PZP: variants seen among roughly 807,000 people sequenced by gnomAD.
The protein encoded by PZP is pregnancy zone protein.
A neutral mutation model predicts 179.8 loss-of-function variants in PZP; 150 were observed. That is an observed-to-expected ratio of 0.83 (90% CI 0.73 to 0.96). The LOEUF is 0.96. Ranked by LOEUF, PZP falls within the 40% of genes least tolerant of loss-of-function variation. The pLI is 0.00. For missense variants in PZP, 1,689 were observed against 1,764.0 expected (o/e 0.96, Z 0.76); for synonymous variants, 624 against 652.3 (o/e 0.96, Z 0.66).
At position 9,166,200 on chromosome 12, in the gene PZP, C is replaced by A. The variant is rs751335566; in HGVS notation, c.2110G>T (p.Gly704Cys). ...GAVGQGYYGA[G>C]LGVVERPYVP... Reference sequence around the variant, plus strand: ...TATGGTCTCTCTACTACTCCTAGACCTGCTAAAGTAAGAGAAAATTGTCTA... The same window carrying A: ...TATGGTCTCTCTACTACTCCTAGACATGCTAAAGTAAGAGAAAATTGTCTA... Residue 704 changes from glycine (G) to cysteine (C), a missense_variant and splice_region_variant, in exon 18 of 36, where the codon GGT becomes TGT. Gly to Cys is a radical substitution (Grantham distance 159). Transcript: ENST00000261336. The A allele has an allele frequency of 6.2e-7, 1 of 1,609,244 alleles. No homozygotes were observed. The highest frequency in any genetic ancestry group is 1.7e-5 in the Admixed American group (1 of 58,464).
chr12:9,142,443 C>T, the PZP span, among the ~76,000 whole-genome samples: 1 of 152,138 alleles, frequency 6.6e-6, no homozygotes, highest in African/African-American at 2.4e-5. Context: ...TAAATGCAAA[C>T]AAAAATGTAT....
chr12:9,181,082 G>C lies in PZP; in HGVS notation c.1740C>G (p.His580Gln). 1.2e-6 allele frequency: 2 copies of C among 1,614,184 alleles called. No individual in the cohort carries two copies. The highest frequency in any genetic ancestry group is 2.2e-5 in the South Asian group (2 of 91,080). The change falls in exon 15 of 36, where the codon CAC becomes CAG. Residue 580 changes from histidine (H) to glutamine (Q), a missense_variant. Physicochemically the swap from His to Gln is conservative, Grantham distance 24. Around this residue, in one of 3 missense-constraint regions of PZP, gnomAD observed 742 missense variants for 730.5 expected, o/e 1.02. Coordinates refer to ENST00000261336, the MANE Select transcript of PZP (RefSeq NM_002864.3). ...ACTGCGGAGCAGCTGCTACTTGCAG[G>C]TGGGCATGTGAGGCTGGGGGACTTT... ...PAQSPPASHA[H>Q]LQVAAAPQSL...
At position 9,182,076 on chromosome 12, in the gene PZP, C is replaced by A; in HGVS notation, c.1588G>T (p.Val530Phe). 1 of 1,613,414 alleles carries A rather than the reference C, an allele frequency of 6.2e-7. No individual in the cohort carries two copies. The highest frequency in any genetic ancestry group is 8.5e-7 in the Non-Finnish European group (1 of 1,179,726). Reference sequence around the variant, plus strand: ...ATGAACATTCGTGCAATGGGGGCAACGTCTGACTCCACAGGGAAGGATAAG... The same window carrying A: ...ATGAACATTCGTGCAATGGGGGCAAAGTCTGACTCCACAGGGAAGGATAAG... ...FALSFPVESD[V>F]APIARMFIFA... is the part of the protein sequence containing the mutation. The change falls in exon 14 of 36, where the codon GTT becomes TTT. Residue 530 changes from valine to phenylalanine, a missense_variant. By Grantham distance (50) the Val-to-Phe change is conservative (BLOSUM62 -1). This residue lies in a region of PZP where 742 missense variants were observed against 730.5 expected (regional missense o/e 1.02). Coordinates refer to ENST00000261336, the MANE Select transcript of PZP (RefSeq NM_002864.3).
At position 9,160,981 on chromosome 12, in the gene PZP, T is replaced by A. The variant is rs560285266; in HGVS notation, c.2872+52A>T. 2.5e-5 allele frequency: 33 copies of A among 1,340,512 alleles called. No homozygotes were observed. The South Asian group carries it at 3.7e-4, about 15-fold the overall frequency. The allele number at this position is 1,340,512 out of a possible 1,614,324, so 83.0% of individuals were successfully genotyped here. ...TTCAAATACAAATACGTAGATAAGA[T>A]GTACAGTGGCAACTCTTTTGGCCCA... On this transcript the variant is annotated intron_variant, in intron 23 of 35. Transcript: ENST00000261336.
chr12:9,154,584 C>A, intron 29 of PZP, 32 bp downstream of exon 29: 3 of 1,594,538 alleles, frequency 1.9e-6, no homozygotes, highest in Non-Finnish European at 1.7e-6. Context: ...CCAAGTGAAC[C>A]TGGAGCAGAA....
Position 9,180,405 on chromosome 12 carries a change from T to C in PZP, c.1839+578A>G, listed in dbSNP as rs34388882. Reference sequence around the variant, plus strand: ...CACTACCTGACTTCAAACTATACTATAAGGCTACAGTAACCAAAAGAGCAT... The same window carrying C: ...CACTACCTGACTTCAAACTATACTACAAGGCTACAGTAACCAAAAGAGCAT... On this transcript the variant is annotated intron_variant, in intron 15 of 35. Coordinates refer to ENST00000261336, the MANE Select transcript of PZP (RefSeq NM_002864.3). Among the ~76,000 whole-genome samples, 1,230 of 152,138 alleles carry C rather than the reference T, an allele frequency of 8.1e-3. 1 individual carries two copies. The highest frequency in any genetic ancestry group is 0.012 in the Non-Finnish European group (848 of 68,008).
At chr12:9,191,647 A>G (rs777829526) in intron 13 of PZP, among the ~76,000 whole-genome samples, 1 of 152,260 alleles carries the variant, frequency 6.6e-6, no homozygotes, top group African/African-American at 2.4e-5. Context: ...TAGGTTAATT[A>G]CAAAAATGTT....
At position 9,159,889 on chromosome 12, in the gene PZP, G is replaced by A. The variant is rs770331547; in HGVS notation, c.3137+49C>T. 3.4e-6 allele frequency: 5 copies of A among 1,466,188 alleles called. No homozygotes were observed. The South Asian group carries it at 5.7e-5, about 17-fold the overall frequency. The allele number at this position is 1,466,188 out of a possible 1,614,324, so 90.8% of individuals were successfully genotyped here. A position where few individuals can be genotyped will look rare whatever the true frequency, so the allele number is the denominator to read the frequency against. ...ATGGACTAAGACAGGTAATCTATGT[G>A]CACGTTCTGAACTCATAGTTGAAAC... On this transcript the variant is annotated intron_variant, in intron 25 of 35. Coordinates refer to ENST00000261336, the MANE Select transcript of PZP (RefSeq NM_002864.3).
chr12:9,197,274 C>A, intron 7 of PZP, 151 bp from the exon 8 acceptor site: 1 of 552,980 alleles, frequency 1.8e-6, no homozygotes, highest in Non-Finnish European at 3.2e-6. Flanking sequence ...AAATGTCTCC[C>A]TCAAAAATAT....
intron 13 of PZP, among the ~76,000 whole-genome samples, chr12:9,183,565 A>G (rs1302449114): frequency 6.6e-6 from 1 of 152,066 alleles, no homozygotes; most frequent in East Asian, 1.9e-4. Flanking sequence ...ACGTTTGGCT[A>G]ATTTTTTATA....
intron 28 of PZP, among the ~76,000 whole-genome samples, 169 bp downstream of exon 28, chr12:9,157,006 T>C (rs1940805713): frequency 6.6e-6 from 1 of 152,132 alleles, no homozygotes; most frequent in African/African-American, 2.4e-5. Context: ...GCCATGGTGG[T>C]TTGCTGCATG....
Position 9,152,237 on chromosome 12 carries a change from T to C in PZP, c.4195A>G (p.Lys1399Glu). Residue 1399 changes from lysine to glutamate, a missense_variant, in exon 32 of 36, where the codon AAA (lysine) becomes GAA (glutamate). Transcript: ENST00000261336. ...ACACCTACCATTTTTACTGTTGGTT[T>C]CAGGGGAATAAAACCAGATACCATC... ...VKMVSGFIPL[K>E]PTVKMLERSS... The C allele has an allele frequency of 6.2e-7, 1 of 1,609,716 alleles. No individual in the cohort carries two copies. Among genetic ancestry groups the C allele is most frequent in the Non-Finnish European group, 8.5e-7 (1 of 1,176,080 alleles).
chr12:9,141,839 G>A, the PZP span, among the ~76,000 whole-genome samples: 196 of 152,320 alleles, frequency 1.3e-3, no homozygotes, highest in African/African-American at 4.5e-3. Flanking sequence ...GACCCAGACA[G>A]AAGTTCAGAT....
Position 9,182,048 on chromosome 12 carries a change from A to T in PZP, c.1616T>A (p.Phe539Tyr), listed in dbSNP as rs1942796537. 6.2e-7 allele frequency: 1 copy of T among 1,613,788 alleles called. No individual in the cohort carries two copies. The highest frequency in any genetic ancestry group is 1.7e-5 in the Admixed American group (1 of 59,980). ...AACTTCTCCATCTGGTAAAATGGCA[A>T]AGATGAACATTCGTGCAATGGGGGC... ...DVAPIARMFI[F>Y]AILPDGEVVG... The change falls in exon 14 of 36, where the codon TTT (phenylalanine) becomes TAT (tyrosine). Residue 539 changes from phenylalanine (F) to tyrosine (Y), a missense_variant. Physicochemically the swap from Phe to Tyr is conservative, Grantham distance 22. Transcript: ENST00000261336.
At chr12:9,197,564 T>C (rs1421859668) in intron 7 of PZP, among the ~76,000 whole-genome samples, 2 of 110,744 alleles carry the variant, frequency 1.8e-5, no homozygotes, top group African/African-American at 3.6e-5. Flanking sequence ...ATATATAATG[T>C]AATATATAAT....
At chr12:9,194,573 T>C (rs1286912901) in intron 10 of PZP, among the ~76,000 whole-genome samples, 1 of 149,554 alleles carries the variant, frequency 6.7e-6, no homozygotes, top group Non-Finnish European at 1.5e-5. Flanking sequence ...CACGCCATTC[T>C]CCTGCCTCAG....
At chr12:9,144,047 C>T (rs765363708), downstream of PZP, among the ~76,000 whole-genome samples, 16 of 152,266 alleles carry the variant, frequency 1.1e-4, no homozygotes, top group South Asian at 2.1e-4. Context: ...CTGACTTTCC[C>T]GGGTACCATG....
downstream of PZP, among the ~76,000 whole-genome samples, chr12:9,145,843 T>C (rs1276592099): frequency 2.0e-5 from 3 of 152,176 alleles, no homozygotes; most frequent in Non-Finnish European, 4.4e-5. Flanking sequence ...GTTTGTATTA[T>C]TTTACCACTG....
chr12:9,161,309 A>T (rs1941186518), intron 22 of PZP, among the ~76,000 whole-genome samples, 193 bp from the exon 23 acceptor site: 1 of 152,232 alleles, frequency 6.6e-6, no homozygotes. Context: ...TCTGCAACAT[A>T]TTCAATTTCA....
Sources: allele counts gnomAD v4.1 joint callset (sites outside exome capture counted in the v4.1 genomes callset), GRCh38; gene constraint gnomAD v4.1.1; regional missense constraint gnomAD v4.1.1; transcripts MANE v1.5; gene names NCBI Gene and HGNC (gene_info 2026-07-23, HGNC 2026-07-21).